DNAJC13: variants seen among roughly 807,000 people sequenced by gnomAD.
DNAJC13 encodes the protein DnaJ heat shock protein family (Hsp40) member C13, also known as dnaJ homolog subfamily C member 13.
DNAJC13 carries 75 observed loss-of-function variants against 290.5 expected under a neutral mutation model. The ratio of observed to expected loss-of-function variants is 0.26; its 90% CI spans 0.21 to 0.31. The LOEUF is 0.31. Among genes scored for constraint, DNAJC13 ranks in the 10% least tolerant of loss-of-function variants. The pLI, the probability that DNAJC13 is intolerant of heterozygous loss-of-function variation, is 1.00. For synonymous variants in DNAJC13, 862 were observed against 892.0 expected, an observed-to-expected ratio of 0.97 and a Z score of 0.60; for missense variants, 2,260 against 2,674.5, an observed-to-expected ratio of 0.85 and a Z score of 3.42.
intron 55 of DNAJC13, among the ~76,000 whole-genome samples, chr3:132,533,685 G>T (rs982826559): frequency 6.6e-6 from 1 of 152,060 alleles, no homozygotes; most frequent in Admixed American, 6.5e-5. Context: ...GAGTAAATTG[G>T]CCCTGAAGAA....
intron 1 of DNAJC13, among the ~76,000 whole-genome samples, chr3:132,421,064 G>C (rs2107636770): frequency 6.6e-6 from 1 of 152,300 alleles, no homozygotes; most frequent in Middle Eastern, 3.4e-3. Context: ...GTGAGCATTG[G>C]ATGGAGTTAT....
chr3:132,462,416 G>A, intron 15 of DNAJC13, 51 bp from the exon 16 acceptor site: 2 of 1,532,186 alleles, frequency 1.3e-6, no homozygotes. Context: ...TAAATGTGTT[G>A]GAATAAAATT....
At chr3:132,472,582 G>A in intron 20 of DNAJC13, 1 of 985,398 alleles carries the variant, frequency 1.0e-6, no homozygotes, top group African/African-American at 1.7e-5. Context: ...GTGAGTGTAA[G>A]TTCCTGCTAC....
Position 132,525,695 on chromosome 3 carries a change from G to C in DNAJC13, c.6146G>C (p.Gly2049Ala). Residue 2049 changes from glycine to alanine, a missense_variant, in exon 52 of 56, where the codon GGC (glycine) becomes GCC (alanine). Physicochemically the swap from Gly to Ala is moderately conservative, Grantham distance 60. Transcript: ENST00000260818. ...PQLADQVPPL[G>A]HLPKVIQAMN... The stretch of plus-strand genomic sequence containing the variant: ...CTGGCAGATCAGGTCCCGCCATTGG[G>C]CCATCTTCCCAAAGTTATCCAGGCA... 1 of 1,614,160 alleles carries C rather than the reference G, an allele frequency of 6.2e-7. No homozygotes were observed. Among genetic ancestry groups the C allele is most frequent in the Non-Finnish European group, 8.5e-7 (1 of 1,180,010 alleles).
chr3:132,429,899 C>T (rs1048223407), intron 1 of DNAJC13, among the ~76,000 whole-genome samples: 1 of 152,082 alleles, frequency 6.6e-6, no homozygotes, highest in East Asian at 1.9e-4. Context: ...CAGAGTAAAA[C>T]ATCACTTGTT....
intron 55 of DNAJC13, among the ~76,000 whole-genome samples, chr3:132,533,338 T>TTTC (rs1243685994): frequency 2.7e-5 from 4 of 147,544 alleles, no homozygotes; most frequent in African/African-American, 1.0e-4. Flanking sequence ...GCCCTCTTTT[T>TTTC]TTTTTTTTTT....
intron 43 of DNAJC13, among the ~76,000 whole-genome samples, chr3:132,509,829 C>G (rs1935713639): frequency 6.6e-6 from 1 of 152,130 alleles, no homozygotes; most frequent in Admixed American, 6.5e-5. Flanking sequence ...AGACATGATA[C>G]TATTGTACAC....
At chr3:132,422,924 T>C (rs1419261714) in intron 1 of DNAJC13, among the ~76,000 whole-genome samples, 8 of 152,228 alleles carry the variant, frequency 5.3e-5, no homozygotes, top group African/African-American at 1.7e-4. Flanking sequence ...ATTTAGCACA[T>C]GCCCAGTGGT....
rs548737717 is a variant in DNAJC13, at chr3:132,434,625, ATTC to A, written c.68+10_68+12del. 1.1e-4 allele frequency: 183 copies of A among 1,592,076 alleles called. No individual in the cohort carries two copies. The African/African-American group carries it at 1.5e-3, about 13-fold the overall frequency. On this transcript the variant is annotated splice_region_variant and intron_variant, in intron 2 of 55. Transcript: ENST00000260818. ...AACATTCATGGAGGGGGAAGTAAGTATTCTTGTTGGGTTTTTTTTTCTGTGCTT... is the reference window on the plus strand; with the variant it reads ...AACATTCATGGAGGGGGAAGTAAGTATTGTTGGGTTTTTTTTTCTGTGCTT...
intron 42 of DNAJC13, 126 bp downstream of exon 42, chr3:132,505,541 C>T (rs1194342004): frequency 3.1e-6 from 2 of 643,148 alleles, no homozygotes; most frequent in African/African-American, 3.7e-5. Context: ...TGGCTTTCTG[C>T]CACCTAATAT....
chr3:132,498,784 C>T (rs1300471148), intron 36 of DNAJC13, among the ~76,000 whole-genome samples: 3 of 151,934 alleles, frequency 2.0e-5, no homozygotes, highest in East Asian at 1.9e-4. Context: ...GGTGCCATCT[C>T]CACTCACTGC....
chr3:132,488,601 A>G (rs1424888377), intron 30 of DNAJC13, 149 bp downstream of exon 30: 3 of 801,978 alleles, frequency 3.7e-6, no homozygotes, highest in Non-Finnish European at 5.5e-6. Flanking sequence ...GTTGGAAAGC[A>G]GAAGAATGGG....
intron 17 of DNAJC13, 127 bp downstream of exon 17, chr3:132,463,944 T>A (rs951165465): frequency 1.9e-5 from 21 of 1,089,972 alleles, no homozygotes; most frequent in Non-Finnish European, 2.5e-5. Context: ...ACCTAGTTCT[T>A]TTCCTTTCCT....
intron 45 of DNAJC13, among the ~76,000 whole-genome samples, chr3:132,513,711 C>G (rs1191686436): frequency 6.6e-6 from 1 of 152,154 alleles, no homozygotes; most frequent in Non-Finnish European, 1.5e-5. Context: ...ATTGAAGCCA[C>G]TGGTCCCATA....
intron 1 of DNAJC13, among the ~76,000 whole-genome samples, chr3:132,430,941 C>G (rs1430835838): frequency 1.3e-5 from 2 of 152,210 alleles, no homozygotes; most frequent in Non-Finnish European, 2.9e-5. Flanking sequence ...CCTATACTCA[C>G]TAGCAGGAAG....
chr3:132,425,931 G>T (rs1236624141), intron 1 of DNAJC13, among the ~76,000 whole-genome samples: 5 of 152,052 alleles, frequency 3.3e-5, no homozygotes, highest in African/African-American at 9.7e-5. Context: ...TCTTGCTTTT[G>T]TTCTTAGTGT....
At chr3:132,525,175 T>TA (rs766084674) in intron 51 of DNAJC13, among the ~76,000 whole-genome samples, 21 of 151,700 alleles carry the variant, frequency 1.4e-4, no homozygotes, top group Non-Finnish European at 2.5e-4. Flanking sequence ...CCGTCTCTAC[T>TA]AAAAAAAATA....
intron 38 of DNAJC13, 106 bp downstream of exon 38, chr3:132,499,914 A>T: frequency 1.0e-6 from 1 of 990,742 alleles, no homozygotes; most frequent in Non-Finnish European, 1.5e-6. Flanking sequence ...TAGGTTGCTG[A>T]GCTCCACCCC....
At chr3:132,429,201 A>C (rs1015020024) in intron 1 of DNAJC13, among the ~76,000 whole-genome samples, 3 of 152,246 alleles carry the variant, frequency 2.0e-5, no homozygotes, top group South Asian at 2.1e-4. Flanking sequence ...ATTTCTAACA[A>C]GTATCATCTG....
Sources: allele counts gnomAD v4.1 joint callset (sites outside exome capture counted in the v4.1 genomes callset), GRCh38; gene constraint gnomAD v4.1.1; transcripts MANE v1.5; gene names NCBI Gene and HGNC (gene_info 2026-07-23, HGNC 2026-07-21).